MGRN1: variants seen among roughly 807,000 people sequenced by gnomAD.
MGRN1 encodes the protein mahogunin ring finger 1, also known as E3 ubiquitin-protein ligase MGRN1.
In MGRN1, 29 loss-of-function variants were observed where a neutral mutation model predicts 69.2. That is an observed-to-expected ratio of 0.42 (90% CI 0.31 to 0.57). MGRN1 has a LOEUF of 0.57. Ranked by LOEUF, MGRN1 falls within the 20% of genes least tolerant of loss-of-function variation. The pLI is 0.15. For missense variants in MGRN1, 998 were observed against 796.2 expected, an observed-to-expected ratio of 1.25 and a Z score of -3.05; for synonymous variants, 470 against 344.2, an observed-to-expected ratio of 1.37 and a Z score of -4.04.
intron 16 of MGRN1, chr16:4,687,342 A>T (rs2079349563): frequency 2.1e-6 from 2 of 966,496 alleles, no homozygotes; most frequent in Non-Finnish European, 2.5e-6. Context: ...TGAGCCCAGG[A>T]ATTCAAGATC....
intron 1 of MGRN1, among the ~76,000 whole-genome samples, chr16:4,630,472 A>G (rs1897943398): frequency 6.6e-6 from 1 of 150,622 alleles, no homozygotes; most frequent in South Asian, 2.1e-4. Flanking sequence ...TTTTTTTGAG[A>G]TGGAGTCTCC....
At chr16:4,679,191 C>G (rs1596313988) in intron 11 of MGRN1, among the ~76,000 whole-genome samples, 1 of 152,224 alleles carries the variant, frequency 6.6e-6, no homozygotes, top group Non-Finnish European at 1.5e-5. Context: ...GGATTTGCCT[C>G]TGAGAGGGTT....
intron 1 of MGRN1, among the ~76,000 whole-genome samples, chr16:4,647,046 G>T (rs1411275500): frequency 6.6e-6 from 1 of 152,234 alleles, no homozygotes; most frequent in East Asian, 1.9e-4. Flanking sequence ...TCACTGCTAA[G>T]GGTGCCCCCG....
intron 7 of MGRN1, 70 bp from the exon 8 acceptor site, chr16:4,668,195 G>C: frequency 7.0e-7 from 1 of 1,422,998 alleles, no homozygotes; most frequent in Non-Finnish European, 9.6e-7. Context: ...GGCCAACCCA[G>C]GCGGCCACGC....
chr16:4,682,220 G>A (rs376926554), intron 13 of MGRN1, among the ~76,000 whole-genome samples: 3 of 152,210 alleles, frequency 2.0e-5, no homozygotes, highest in Admixed American at 1.3e-4. Flanking sequence ...TGCTCTTGCC[G>A]TTCGCCCGTG....
At chr16:4,639,276 T>C (rs2078105229) in intron 1 of MGRN1, among the ~76,000 whole-genome samples, 1 of 151,578 alleles carries the variant, frequency 6.6e-6, no homozygotes, top group Non-Finnish European at 1.5e-5. Flanking sequence ...ATGAGGAGAA[T>C]GGCGGCGGGA....
At chr16:4,639,800 C>G (rs1472262050) in intron 1 of MGRN1, 3 of 152,124 alleles carry the variant, frequency 2.0e-5, no homozygotes, top group Non-Finnish European at 2.9e-5. Context: ...CCCGGTGGGC[C>G]CTGAACTCTG....
rs2078860713 is a variant in MGRN1, at chr16:4,668,569, ACACT to A, written c.726+260_726+263del. On this transcript the variant is annotated intron_variant, in intron 8 of 16. Coordinates refer to ENST00000262370, the MANE Select transcript of MGRN1 (RefSeq NM_015246.4). ...CACATAAACACACTCCTACTCGCAC[ACACT>A]CATACAGACACGACACTCATACACA... Among the ~76,000 whole-genome samples the A allele has an allele frequency of 2.6e-5, 4 of 151,878 alleles. No individual in the cohort carries two copies. The South Asian group carries it at 8.3e-4, about 32-fold the overall frequency.
At chr16:4,637,478 A>G (rs1898363970) in intron 1 of MGRN1, among the ~76,000 whole-genome samples, 1 of 152,186 alleles carries the variant, frequency 6.6e-6, no homozygotes, top group Admixed American at 6.5e-5. Context: ...TTACTGGTTT[A>G]TAGGAGCTCT....
At chr16:4,673,312 G>A (rs1338317473) in intron 9 of MGRN1, among the ~76,000 whole-genome samples, 186 bp from the exon 10 acceptor site, 3 of 152,122 alleles carry the variant, frequency 2.0e-5, no homozygotes, top group African/African-American at 7.2e-5. Context: ...GCCAGGTGCT[G>A]AGTTTGCACT....
chr16:4,652,131 G>T, intron 3 of MGRN1, 80 bp downstream of exon 3: 1 of 1,422,266 alleles, frequency 7.0e-7, no homozygotes. Flanking sequence ...GATGCTTGAG[G>T]AAAAGGGCAG....
chr16:4,624,989 CG>C lies in MGRN1; in HGVS notation c.34del (p.Val12TrpfsTer49). On this transcript the variant is annotated frameshift_variant, in exon 1 of 17. Transcript: ENST00000262370. LOFTEE classifies it high-confidence loss of function. ...GGCTCCATTCTCAGCCGCCGCATCGCGGGGGTGGAGGACATCGACATCCAGG... is the reference window on the plus strand; with the variant it reads ...GGCTCCATTCTCAGCCGCCGCATCGCGGGGTGGAGGACATCGACATCCAGG... MGSILSRRI[A>X]GVEDIDIQAN... 1.3e-6 allele frequency: 2 copies of C among 1,557,950 alleles called. No individual in the cohort carries two copies. The highest frequency in any genetic ancestry group is 1.2e-5 in the South Asian group (1 of 85,220).
intron 7 of MGRN1, among the ~76,000 whole-genome samples, chr16:4,667,472 A>G (rs1007702352): frequency 3.3e-5 from 5 of 152,188 alleles, no homozygotes; most frequent in African/African-American, 7.2e-5. Flanking sequence ...CACGGTGACT[A>G]TTGACACATC....
intron 15 of MGRN1, 144 bp from the exon 16 acceptor site, chr16:4,683,699 C>G: frequency 1.6e-6 from 1 of 641,774 alleles, no homozygotes; most frequent in Non-Finnish European, 2.7e-6. Flanking sequence ...GGTGGGGTCA[C>G]GGTGGAGTCC....
At position 4,666,003 on chromosome 16, in the gene MGRN1, TG is replaced by T. The variant is rs535910499; in HGVS notation, c.678+853del. Among the ~76,000 whole-genome samples, 400 of 152,216 alleles carry T rather than the reference TG, an allele frequency of 2.6e-3. 1 individual carries two copies. The highest frequency in any genetic ancestry group is 9.1e-3 in the African/African-American group (377 of 41,536). On this transcript the variant is annotated intron_variant, in intron 7 of 16. Coordinates refer to ENST00000262370, the MANE Select transcript of MGRN1 (RefSeq NM_015246.4). ...CGCCACCATGCCCAGCTAATTTTTTTGTATTTTCAGTAGAGACAGGGTTTCA... is the reference window on the plus strand; with the variant it reads ...CGCCACCATGCCCAGCTAATTTTTTTTATTTTCAGTAGAGACAGGGTTTCA...
intron 12 of MGRN1, 82 bp downstream of exon 12, chr16:4,680,179 G>C: frequency 1.2e-5 from 16 of 1,374,818 alleles, no homozygotes; most frequent in Non-Finnish European, 1.6e-5. Context: ...GATCGTTTCC[G>C]CCCCAGGCTA....
At chr16:4,684,085 C>T (rs749926456) in intron 16 of MGRN1, among the ~76,000 whole-genome samples, 153 bp downstream of exon 16, 4 of 152,364 alleles carry the variant, frequency 2.6e-5, no homozygotes, top group East Asian at 1.9e-4. Flanking sequence ...TGCTATTGAC[C>T]GTGAAGCAGG....
At chr16:4,650,807 G>A (rs752981417) in intron 2 of MGRN1, 3 of 222,130 alleles carry the variant, frequency 1.4e-5, no homozygotes, top group Non-Finnish European at 2.6e-5. Flanking sequence ...TCTTTACAAG[G>A]CAAAAATAGT....
intron 2 of MGRN1, chr16:4,650,794 C>G (rs2078389208): frequency 4.0e-6 from 1 of 252,486 alleles, no homozygotes; most frequent in African/African-American, 2.2e-5. Context: ...TCTTGGATGA[C>G]TTTCTTTACA....
Sources: gnomAD v4.1 joint callset for allele counts (sites outside exome capture counted in the v4.1 genomes callset) on GRCh38, gnomAD v4.1.1 for gene constraint, MANE v1.5 for transcripts, NCBI Gene and HGNC (gene_info 2026-07-23, HGNC 2026-07-21) for gene names.